Variants in RRAGB observed in about 807,000 individuals in gnomAD.
RRAGB encodes the protein Ras related GTP binding B.
In RRAGB, 6 loss-of-function variants were observed where a neutral mutation model predicts 29.3. The observed-to-expected ratio is 0.21, with a 90% CI of 0.11 to 0.40. The LOEUF (loss-of-function observed/expected upper bound fraction) is 0.40, where lower values mean the gene tolerates loss of function less well. Among genes scored for constraint, RRAGB ranks in the 10% least tolerant of loss-of-function variants. RRAGB has a pLI of 1.00. For synonymous variants in RRAGB, 101 were observed against 92.5 expected, an observed-to-expected ratio of 1.09 and a Z score of -0.53; for missense variants, 184 against 272.9, an observed-to-expected ratio of 0.67 and a Z score of 2.29.
intron 3 of RRAGB, chrX:55,727,332 A>G (rs1171989103): frequency 3.6e-6 from 4 of 1,096,263 alleles, no homozygotes; most frequent in Non-Finnish European, 2.5e-6. Flanking sequence ...ATAGTCTTCA[A>G]ATTAATAGCA....
At chrX:55,731,183 T>C in intron 4 of RRAGB, among the ~76,000 whole-genome samples, 181 bp from the exon 5 acceptor site, 1 of 111,637 alleles carries the variant, frequency 9.0e-6, no homozygotes, top group Non-Finnish European at 1.9e-5. Flanking sequence ...AAACTTCTTT[T>C]GTTGGCTCAA....
intron 5 of RRAGB, among the ~76,000 whole-genome samples, chrX:55,749,482 T>C (rs2034441602): frequency 9.1e-6 from 1 of 109,358 alleles, no homozygotes; most frequent in Non-Finnish European, 1.9e-5. Flanking sequence ...CGGCCGCCCC[T>C]ACTGGGAAGT....
chrX:55,749,207 T>C (rs371328443), intron 5 of RRAGB, among the ~76,000 whole-genome samples: 7 of 65,925 alleles, frequency 1.1e-4, no homozygotes, highest in Admixed American at 1.7e-4. Flanking sequence ...GCCCCCCGCC[T>C]GGCCAGCCGC....
chrX:55,723,657 AG>A (rs1328187274), intron 3 of RRAGB, among the ~76,000 whole-genome samples: 1 of 110,363 alleles, frequency 9.1e-6, no homozygotes, highest in African/African-American at 3.3e-5. Context: ...TCCTGGTTCA[AG>A]GGATTCTCCT....
chrX:55,732,706 GA>G (rs1400791834), intron 5 of RRAGB, among the ~76,000 whole-genome samples: 1 of 111,713 alleles, frequency 9.0e-6, no homozygotes, highest in Non-Finnish European at 1.9e-5. Flanking sequence ...CTTCTGTCAT[GA>G]AGTATTAATT....
intron 3 of RRAGB, chrX:55,727,482 G>A: frequency 2.1e-6 from 1 of 473,450 alleles, no homozygotes. Context: ...CTTTATGTAT[G>A]ATAATTCATT....
intron 7 of RRAGB, chrX:55,755,168 C>T (rs766984774): frequency 1.3e-6 from 1 of 751,734 alleles, no homozygotes; most frequent in South Asian, 6.8e-5. Context: ...TTGAAATTTT[C>T]ACATTGTCTC....
intron 2 of RRAGB, among the ~76,000 whole-genome samples, chrX:55,719,808 A>G (rs193001534): frequency 7.1e-5 from 8 of 112,533 alleles, no homozygotes; most frequent in Admixed American, 6.6e-4. Flanking sequence ...TTCTTCAGAT[A>G]GAATTGGACA....
chrX:55,731,668 C>T lies in RRAGB; in HGVS notation c.516+82C>T, dbSNP rs1046627457. 4.8e-6 allele frequency: 3 copies of T among 628,689 alleles called. No individual in the cohort carries two copies. In the African/African-American group the frequency reaches 6.8e-5, roughly 14 times the overall value. 51.8% of individuals were successfully genotyped at this position (628,689 alleles called of 1,213,427 possible). A position where few individuals can be genotyped will look rare whatever the true frequency, so the allele number is the denominator to read the frequency against. ...TGTAGAGGTATAGGTAAATTTGTAC[C>T]ATTTTTTCAGGAATAAAAAGTCAGC... is the stretch of plus-strand genomic sequence containing the variant. On this transcript the variant is annotated intron_variant, in intron 5 of 9. Coordinates refer to ENST00000374941, the MANE Select transcript of RRAGB (RefSeq NM_006064.5).
At chrX:55,719,480 TCTC>T (rs1335365673) in intron 2 of RRAGB, 133 bp downstream of exon 2, 2 of 408,716 alleles carry the variant, frequency 4.9e-6, no homozygotes, top group Non-Finnish European at 7.9e-6. Flanking sequence ...CTGACTCTCT[TCTC>T]CTTGTATGCT....
chrX:55,757,791 A>G lies in RRAGB; in HGVS notation c.944-455A>G, dbSNP rs539784495. Among the ~76,000 whole-genome samples the G allele has an allele frequency of 2.0e-3, 226 of 111,724 alleles. 2 individuals are homozygous for G. Among genetic ancestry groups the G allele is most frequent in the African/African-American group, 7.1e-3 (217 of 30,742 alleles). ...GACAAACCATTTCATATGTCATTGCATATTCCTATGTACCACATTCTCATA... is the reference window on the plus strand; with the variant it reads ...GACAAACCATTTCATATGTCATTGCGTATTCCTATGTACCACATTCTCATA... On this transcript the variant is annotated intron_variant, in intron 9 of 9. Coordinates refer to ENST00000374941, the MANE Select transcript of RRAGB (RefSeq NM_006064.5).
At chrX:55,721,284 A>G (rs5913856) in intron 2 of RRAGB, among the ~76,000 whole-genome samples, 36,318 of 110,960 alleles carry the variant, frequency 0.33, 4,672 homozygotes, top group Middle Eastern at 0.47. Context: ...AGTAACTGCA[A>G]TGCATTATAG....
At chrX:55,718,806 AGACTT>A (rs2033152673) in intron 1 of RRAGB, among the ~76,000 whole-genome samples, 2 of 111,537 alleles carry the variant, frequency 1.8e-5, no homozygotes, top group African/African-American at 6.5e-5. Context: ...CCTGAATTTG[AGACTT>A]ACATCTACTT....
chrX:55,719,168 A>G (rs773163007), intron 1 of RRAGB, 146 bp from the exon 2 acceptor site: 14 of 456,256 alleles, frequency 3.1e-5, no homozygotes, highest in Non-Finnish European at 4.7e-5. Flanking sequence ...TGGGACCTCT[A>G]TTCATCTGAG....
chrX:55,724,903 G>C (rs1232609910), intron 3 of RRAGB, among the ~76,000 whole-genome samples: 1 of 111,468 alleles, frequency 9.0e-6, no homozygotes, highest in Non-Finnish European at 1.9e-5. Context: ...ATTCTATCTA[G>C]CTTACCCTCT....
At chrX:55,747,000 GCA>G (rs1440492966) in intron 5 of RRAGB, among the ~76,000 whole-genome samples, 1 of 112,152 alleles carries the variant, frequency 8.9e-6, no homozygotes, top group Non-Finnish European at 1.9e-5. Context: ...TTGGAGTATA[GCA>G]TAATTCCTCA....
chrX:55,729,417 G>GTA, intron 4 of RRAGB, 57 bp downstream of exon 4: 2 of 765,633 alleles, frequency 2.6e-6, no homozygotes, highest in Non-Finnish European at 4.0e-6. Context: ...GTGGCATCTA[G>GTA]TATATCAGCA....
At chrX:55,728,560 C>G (rs2033562378) in intron 3 of RRAGB, among the ~76,000 whole-genome samples, 2 of 110,973 alleles carry the variant, frequency 1.8e-5, no homozygotes, top group Admixed American at 1.9e-4. Context: ...GAATGCCTCC[C>G]CATAGGCATG....
chrX:55,757,192 C>G, intron 8 of RRAGB, 24 bp from the exon 9 acceptor site: 20 of 871,281 alleles, frequency 2.3e-5, no homozygotes, highest in Non-Finnish European at 3.4e-5. Context: ...CATTCTTTAA[C>G]CTCTCTTCTT....
Sources: gnomAD v4.1 joint callset for allele counts (sites outside exome capture counted in the v4.1 genomes callset) on GRCh38, gnomAD v4.1.1 for gene constraint, MANE v1.5 for transcripts, NCBI Gene and HGNC (gene_info 2026-07-23, HGNC 2026-07-21) for gene names.